NOTCH2NLB: variants seen among roughly 807,000 people sequenced by gnomAD.
NOTCH2NLB encodes notch homolog 2 N-terminal-like protein B.
Under a neutral mutation model 14.8 loss-of-function variants are expected in NOTCH2NLB, and 1 was observed. The observed-to-expected ratio is 0.07, with a 90% CI of 0.02 to 0.32. The LOEUF (loss-of-function observed/expected upper bound fraction) is 0.32, where lower values mean the gene tolerates loss of function less well. NOTCH2NLB is among the 10% of genes least tolerant of loss of function. The pLI, the probability that NOTCH2NLB is intolerant of heterozygous loss-of-function variation, is 1.00. For synonymous variants in NOTCH2NLB, 6 were observed against 57.5 expected, an observed-to-expected ratio of 0.10 and a Z score of 4.05; for missense variants, 11 against 155.0, an observed-to-expected ratio of 0.07 and a Z score of 4.93.
intron 3 of NOTCH2NLB, among the ~76,000 whole-genome samples, chr1:148,610,481 C>A (rs1663668978): frequency 8.6e-6 from 1 of 116,068 alleles, no homozygotes; most frequent in East Asian, 2.3e-4. Flanking sequence ...GCTTCTTCAT[C>A]TCTGAGTGGA....
chr1:148,622,420 A>G (rs1663905452), intron 2 of NOTCH2NLB, among the ~76,000 whole-genome samples: 2 of 88,768 alleles, frequency 2.3e-5, no homozygotes, highest in Non-Finnish European at 2.1e-5. Context: ...CAGGATTCAA[A>G]CCCAAGTAGA....
At chr1:148,654,682 G>C (rs1378141097) in intron 1 of NOTCH2NLB, among the ~76,000 whole-genome samples, 2 of 91,392 alleles carry the variant, frequency 2.2e-5, no homozygotes, top group Non-Finnish European at 4.9e-5. Context: ...TCACTCCTCT[G>C]TTTTCCTTAT....
intron 2 of NOTCH2NLB, among the ~76,000 whole-genome samples, chr1:148,638,072 T>C (rs1262247704): frequency 1.1e-4 from 17 of 149,168 alleles, no homozygotes; most frequent in Admixed American, 1.1e-3. Context: ...TGTGTCCTTA[T>C]AGCAGAATGA....
chr1:148,625,380 C>T (rs1663958544), intron 2 of NOTCH2NLB, among the ~76,000 whole-genome samples: 1 of 89,156 alleles, frequency 1.1e-5, no homozygotes, highest in Admixed American at 1.1e-4. Flanking sequence ...TTTGGCCATT[C>T]AAGAAACAAC....
At chr1:148,637,871 C>T (rs1289030526) in intron 2 of NOTCH2NLB, among the ~76,000 whole-genome samples, 2 of 148,010 alleles carry the variant, frequency 1.4e-5, no homozygotes, top group Non-Finnish European at 3.0e-5. Context: ...TGTTAGTTTG[C>T]TGAGAATGAT....
At chr1:148,622,363 C>T (rs1663902898) in intron 2 of NOTCH2NLB, among the ~76,000 whole-genome samples, 1 of 102,278 alleles carries the variant, frequency 9.8e-6, no homozygotes. Context: ...GAGCGAGACT[C>T]CCTCTCAAAA....
intron 1 of NOTCH2NLB, 109 bp downstream of exon 1, chr1:148,679,353 C>G: frequency 1.8e-6 from 1 of 550,886 alleles, no homozygotes. Flanking sequence ...CGCTCCGCGC[C>G]GGCGGCCGAG....
At chr1:148,700,018 A>T in the NOTCH2NLB span, among the ~76,000 whole-genome samples, 1 of 86,692 alleles carries the variant, frequency 1.2e-5, no homozygotes, top group Admixed American at 1.2e-4. Flanking sequence ...TCTTCCCGAC[A>T]CTCTCCCTCC....
chr1:148,602,290 AG>A (rs1663393603), downstream of NOTCH2NLB, among the ~76,000 whole-genome samples: 4 of 82,620 alleles, frequency 4.8e-5, no homozygotes, highest in Non-Finnish European at 4.4e-5. Context: ...AGAAAAGAAA[AG>A]AAAATGACAC....
intron 1 of NOTCH2NLB, among the ~76,000 whole-genome samples, chr1:148,670,558 A>ATATATATATATATG (rs1664754371): frequency 7.2e-6 from 1 of 138,454 alleles, no homozygotes; most frequent in Admixed American, 7.1e-5. Flanking sequence ...ATATACATAT[A>ATATATATATATATG]TATATATATA....
At position 148,609,152 on chromosome 1, in the gene NOTCH2NLB, T is replaced by C. The variant is rs1261082145; in HGVS notation, c.338-1407A>G. Among the ~76,000 whole-genome samples, 107 of 139,724 alleles carry C rather than the reference T, an allele frequency of 7.7e-4. 10 individuals are homozygous for C. Among genetic ancestry groups the C allele is most frequent in the Non-Finnish European group, 1.4e-3 (90 of 64,670 alleles). The allele number at this position is 139,724 out of a possible 152,430, so 91.7% of individuals were successfully genotyped here. Reference sequence around the variant, plus strand: ...GGGTACATGTGCACAACATGCAGGTTTGTTACATATGTATATATGTGCCAT... The same window carrying C: ...GGGTACATGTGCACAACATGCAGGTCTGTTACATATGTATATATGTGCCAT... On this transcript the variant is annotated intron_variant, in intron 3 of 4. Coordinates refer to ENST00000593495, the Ensembl canonical transcript of NOTCH2NLB.
At position 148,636,948 on chromosome 1, in the gene NOTCH2NLB, T is replaced by C. The variant is rs1196484478; in HGVS notation, c.77+3068A>G. 4.1e-5 allele frequency among the ~76,000 whole-genome samples: 6 copies of C among 145,868 alleles called. 2 individuals are homozygous for C. Among genetic ancestry groups the C allele is most frequent in the South Asian group, 4.5e-4 (2 of 4,486 alleles). ...AAATTTTTTCTTTCTCTCAAGGAGT[T>C]TGTTTCCCTCAAAACAGGAAAGACA... On this transcript the variant is annotated intron_variant, in intron 2 of 4. Coordinates refer to ENST00000593495, the Ensembl canonical transcript of NOTCH2NLB.
At chr1:148,627,721 C>T (rs1485297563) in intron 2 of NOTCH2NLB, among the ~76,000 whole-genome samples, 1 of 151,474 alleles carries the variant, frequency 6.6e-6, no homozygotes, top group East Asian at 2.0e-4. Context: ...CCTTGACACC[C>T]CCTCTGTTCT....
chr1:148,610,375 G>GAAAGAA (rs1663660867), intron 3 of NOTCH2NLB, among the ~76,000 whole-genome samples: 1 of 109,598 alleles, frequency 9.1e-6, no homozygotes, highest in African/African-American at 4.0e-5. Context: ...GAAAGAAAGA[G>GAAAGAA]AAAGAAAGAA....
intron 2 of NOTCH2NLB, among the ~76,000 whole-genome samples, chr1:148,637,616 G>C (rs1466206231): frequency 6.8e-6 from 1 of 147,138 alleles, no homozygotes; most frequent in Non-Finnish European, 1.5e-5. Flanking sequence ...GGATACATGT[G>C]CAGAATGTGC....
intron 2 of NOTCH2NLB, among the ~76,000 whole-genome samples, chr1:148,633,194 C>G (rs1361948127): frequency 1.6e-5 from 2 of 127,188 alleles, no homozygotes; most frequent in African/African-American, 3.4e-5. Context: ...TAGACTTTAA[C>G]TTGCCAAAGA....
At chr1:148,707,960 C>CT in the NOTCH2NLB span, among the ~76,000 whole-genome samples, 1 of 80,692 alleles carries the variant, frequency 1.2e-5, no homozygotes, top group Non-Finnish European at 2.5e-5. Context: ...TCCTATTCCC[C>CT]CCCCCCCACC....
At chr1:148,626,193 C>G (rs1249907719) in intron 2 of NOTCH2NLB, among the ~76,000 whole-genome samples, 4 of 108,702 alleles carry the variant, frequency 3.7e-5, no homozygotes, top group Non-Finnish European at 7.6e-5. Flanking sequence ...GTTTTAAAAA[C>G]ATGCATGAGG....
rs1213425596 is a variant in NOTCH2NLB at position 148,633,361 on chromosome 1, G to A, written c.77+6655C>T. On this transcript the variant is annotated intron_variant, in intron 2 of 4. Transcript: ENST00000593495. Reference sequence around the variant, plus strand: ...GAGGTCAGGAGATAGAGACCATCCTGGCTAACACAGTGAAACCCCGTCTCT... The same window carrying A: ...GAGGTCAGGAGATAGAGACCATCCTAGCTAACACAGTGAAACCCCGTCTCT... Among the ~76,000 whole-genome samples, 18 of 107,646 alleles carry A rather than the reference G, an allele frequency of 1.7e-4. 4 individuals are homozygous for A. In the East Asian group the frequency reaches 5.4e-3, roughly 32 times the overall value. The allele number at this position is 107,646 out of a possible 152,430, so 70.6% of individuals were successfully genotyped here. A position where few individuals can be genotyped will look rare whatever the true frequency, so the allele number is the denominator to read the frequency against.
Sources: allele counts gnomAD v4.1 joint callset (sites outside exome capture counted in the v4.1 genomes callset), GRCh38; gene constraint gnomAD v4.1.1; transcripts MANE v1.5; gene names NCBI Gene and HGNC (gene_info 2026-07-23, HGNC 2026-07-21).